TTBK2: variants seen among roughly 807,000 people sequenced by gnomAD.
TTBK2 encodes tau tubulin kinase 2, also known as tau-tubulin kinase 2.
TTBK2 carries 28 observed loss-of-function variants against 110.8 expected under a neutral mutation model. The observed-to-expected ratio is 0.25, with a 90% CI of 0.19 to 0.35. TTBK2 has a LOEUF of 0.35. Ranked by LOEUF, TTBK2 falls within the 10% of genes least tolerant of loss-of-function variation. The probability of loss-of-function intolerance (pLI) is 1.00; values close to 1 mark genes in which losing one functional copy is unlikely to be tolerated. For missense variants in TTBK2, 1,369 were observed against 1,500.3 expected (o/e 0.91, Z 1.45); for synonymous variants, 532 against 527.3 (o/e 1.01, Z -0.12).
intron 10 of TTBK2, among the ~76,000 whole-genome samples, chr15:42,794,207 T>C (rs1440650922): frequency 3.3e-5 from 5 of 151,564 alleles, no homozygotes; most frequent in Non-Finnish European, 7.4e-5. Flanking sequence ...ATCACGGAAA[T>C]AGATCATAAC....
intron 4 of TTBK2, among the ~76,000 whole-genome samples, chr15:42,837,682 G>C (rs1470399601): frequency 1.5e-5 from 2 of 132,608 alleles, no homozygotes; most frequent in Non-Finnish European, 3.3e-5. Flanking sequence ...AAAAAAAAAA[G>C]GTTCAGGGAT....
chr15:42,872,583 T>C, intron 3 of TTBK2, 28 bp downstream of exon 3: 1 of 1,610,990 alleles, frequency 6.2e-7, no homozygotes, highest in South Asian at 1.1e-5. Flanking sequence ...ATACAAATCA[T>C]AAATTGTATA....
chr15:42,846,715 C>A (rs1046471253), intron 3 of TTBK2, among the ~76,000 whole-genome samples: 1 of 152,106 alleles, frequency 6.6e-6, no homozygotes, highest in Non-Finnish European at 1.5e-5. Flanking sequence ...GTAACTTGGA[C>A]GAAGCCCCTA....
At chr15:42,811,875 G>T in intron 7 of TTBK2, 95 bp from the exon 8 acceptor site, 2 of 1,045,190 alleles carry the variant, frequency 1.9e-6, no homozygotes, top group Non-Finnish European at 2.8e-6. Flanking sequence ...ACCTTATTAG[G>T]CTAAAAATGT....
intron 7 of TTBK2, among the ~76,000 whole-genome samples, chr15:42,812,287 G>C (rs1271157715): frequency 1.3e-5 from 2 of 151,366 alleles, no homozygotes; most frequent in African/African-American, 2.4e-5. Flanking sequence ...CCGTAGTGCA[G>C]TATTTGGTGT....
intron 3 of TTBK2, among the ~76,000 whole-genome samples, chr15:42,852,871 A>C (rs1893776501): frequency 6.6e-6 from 1 of 152,232 alleles, no homozygotes; most frequent in African/African-American, 2.4e-5. Context: ...AAATAAACAA[A>C]AGAGTAGATT....
chr15:42,912,902 G>A (rs1338907503), intron 1 of TTBK2, among the ~76,000 whole-genome samples: 5 of 150,894 alleles, frequency 3.3e-5, no homozygotes, highest in African/African-American at 7.3e-5. Flanking sequence ...GAGGCAGGTG[G>A]ATCATGAGGT....
chr15:42,826,098 C>G (rs994924621), intron 6 of TTBK2, among the ~76,000 whole-genome samples: 1 of 151,862 alleles, frequency 6.6e-6, no homozygotes, highest in African/African-American at 2.4e-5. Context: ...CTTAGACAGT[C>G]CAAACAACCA....
At chr15:42,768,660 G>A (rs1214401020) in intron 13 of TTBK2, among the ~76,000 whole-genome samples, 1 of 152,120 alleles carries the variant, frequency 6.6e-6, no homozygotes, top group Non-Finnish European at 1.5e-5. Context: ...GGAAGAATCA[G>A]TATCGTGAAA....
intron 1 of TTBK2, among the ~76,000 whole-genome samples, chr15:42,902,712 G>GC (rs569346459): frequency 1.7e-3 from 256 of 152,156 alleles, no homozygotes; most frequent in Non-Finnish European, 2.0e-3. Context: ...ATCAAACAGG[G>GC]CCAGGCGCAG....
At position 42,872,709 on chromosome 15, in the gene TTBK2, T is replaced by A. The variant is rs1363175876; in HGVS notation, c.119A>T (p.Asp40Val). ...GGFGEIYDAL[D>V]MLTRENVALK... ...TGCAACATTTTCCCTGGTGAGCATG[T>A]CCAAGGCATCGTAAATTTCTCCAAA... is the stretch of plus-strand genomic sequence containing the variant. The change falls in exon 3 of 15, where the codon GAC becomes GTC. Residue 40 changes from aspartate (D) to valine (V), a missense_variant. This residue lies in a region of TTBK2 where 122 missense variants were observed against 159.7 expected (regional missense o/e 0.76). Coordinates refer to ENST00000267890, the MANE Select transcript of TTBK2 (RefSeq NM_173500.4). 1 of 1,614,020 alleles carries A rather than the reference T, an allele frequency of 6.2e-7. No homozygotes were observed. Among genetic ancestry groups the A allele is most frequent in the Admixed American group, 1.7e-5 (1 of 59,992 alleles).
Position 42,775,171 on chromosome 15 carries a change from A to G in TTBK2, c.1962T>C (p.Ser654=). Residue 654 remains serine (S), a synonymous_variant, in exon 13 of 15, where the codon AGT becomes AGC. Transcript: ENST00000267890. ...GTCCTTCTGCCTGCGCCTCCATTAG[A>G]CTTGTGGGCGTCGCTGCAATAAACT... ...ASQFIAATPT[S]LMEAQAEGPL... The G allele has an allele frequency of 6.2e-7, 1 of 1,614,076 alleles. No homozygotes were observed. Among genetic ancestry groups the G allele is most frequent in the South Asian group, 1.1e-5 (1 of 91,086 alleles).
chr15:42,807,367 T>C (rs1341864628), intron 9 of TTBK2, among the ~76,000 whole-genome samples: 3 of 152,134 alleles, frequency 2.0e-5, no homozygotes, highest in Non-Finnish European at 4.4e-5. Context: ...TTGAACACTC[T>C]AATAAAGATA....
intron 3 of TTBK2, among the ~76,000 whole-genome samples, chr15:42,840,835 A>C (rs1567054199): frequency 6.6e-6 from 1 of 152,346 alleles, no homozygotes; most frequent in Admixed American, 6.5e-5. Context: ...TATGGTACTC[A>C]TTGTTATGAC....
At chr15:42,905,014 G>C (rs1457559291) in intron 1 of TTBK2, among the ~76,000 whole-genome samples, 1 of 151,898 alleles carries the variant, frequency 6.6e-6, no homozygotes, top group Non-Finnish European at 1.5e-5. Context: ...TGGGACTACA[G>C]AAACATGCCA....
At chr15:42,790,910 G>T (rs896054623) in intron 10 of TTBK2, among the ~76,000 whole-genome samples, 1 of 151,956 alleles carries the variant, frequency 6.6e-6, no homozygotes. Context: ...TTGAGATGGA[G>T]TCTCGCTCTG....
At chr15:42,810,811 C>A (rs1891678813) in intron 8 of TTBK2, 72 bp from the exon 9 acceptor site, 8 of 1,570,056 alleles carry the variant, frequency 5.1e-6, no homozygotes, top group Non-Finnish European at 5.2e-6. Context: ...CCCTCAGTAA[C>A]CGTCTCAAGG....
chr15:42,857,684 A>C (rs1893997068), intron 3 of TTBK2, among the ~76,000 whole-genome samples: 2 of 152,162 alleles, frequency 1.3e-5, no homozygotes, highest in Admixed American at 1.3e-4. Context: ...AATTTCCCTA[A>C]TGCTTAACAC....
intron 8 of TTBK2, 103 bp from the exon 9 acceptor site, chr15:42,810,842 T>C (rs1253592520): frequency 2.3e-6 from 3 of 1,325,456 alleles, no homozygotes; most frequent in Non-Finnish European, 3.2e-6. Flanking sequence ...GGGAATGAGA[T>C]AGTGGGTAAT....
Sources: allele counts gnomAD v4.1 joint callset (sites outside exome capture counted in the v4.1 genomes callset), GRCh38; gene constraint gnomAD v4.1.1; regional missense constraint gnomAD v4.1.1; transcripts MANE v1.5; gene names NCBI Gene and HGNC (gene_info 2026-07-23, HGNC 2026-07-21).